The following DLG2 variants were observed in gnomAD, a reference collection of about 807,000 sequenced individuals.
DLG2 encodes discs large MAGUK scaffold protein 2, also known as disks large homolog 2.
Under a neutral mutation model 132.5 loss-of-function variants are expected in DLG2, and 45 were observed. The ratio of observed to expected loss-of-function variants is 0.34; its 90% CI spans 0.27 to 0.44. DLG2 has a LOEUF of 0.44. Ranked by LOEUF, DLG2 falls within the 20% of genes least tolerant of loss-of-function variation. The pLI, the probability that DLG2 is intolerant of heterozygous loss-of-function variation, is 1.00. For missense variants in DLG2, 1,045 were observed against 1,196.9 expected (o/e 0.87, Z 1.87); for synonymous variants, 424 against 419.6 (o/e 1.01, Z -0.13).
At chr11:84,131,563 A>T (rs531024710) in intron 9 of DLG2, among the ~76,000 whole-genome samples, 9 of 152,062 alleles carry the variant, frequency 5.9e-5, no homozygotes, top group Admixed American at 1.3e-4. Flanking sequence ...GTCAAGTATT[A>T]GGGCACTAGG....
intron 6 of DLG2, among the ~76,000 whole-genome samples, chr11:84,710,162 C>T (rs781298431): frequency 4.6e-5 from 7 of 151,960 alleles, no homozygotes; most frequent in African/African-American, 9.6e-5. Flanking sequence ...TAGAATAAAA[C>T]ACTGTGGGTG....
At chr11:84,447,240 T>C (rs1009431553) in intron 7 of DLG2, among the ~76,000 whole-genome samples, 11 of 152,192 alleles carry the variant, frequency 7.2e-5, no homozygotes, top group Admixed American at 3.3e-4. Flanking sequence ...TGTAACAGTA[T>C]TGATAATAGG....
At chr11:85,128,894 C>T (rs1399102848) in intron 5 of DLG2, among the ~76,000 whole-genome samples, 1 of 152,140 alleles carries the variant, frequency 6.6e-6, no homozygotes, top group Non-Finnish European at 1.5e-5. Flanking sequence ...ATACTATATA[C>T]ACATTTTTCC....
intron 11 of DLG2, among the ~76,000 whole-genome samples, chr11:84,018,851 A>C (rs2154074699): frequency 6.6e-6 from 1 of 152,182 alleles, no homozygotes; most frequent in South Asian, 2.1e-4. Flanking sequence ...ATTAAGCTAA[A>C]AAAAAAATGG....
intron 4 of DLG2, among the ~76,000 whole-genome samples, chr11:85,233,305 T>C (rs780538838): frequency 4.6e-5 from 7 of 151,842 alleles, no homozygotes; most frequent in East Asian, 1.9e-4. Context: ...TAGAGTAAAA[T>C]TGATCACTCT....
In DLG2 at chr11:85,062,171, A is replaced by T. The variant is rs185680357; in HGVS notation, c.357+49490T>A. Among the ~76,000 whole-genome samples the T allele has an allele frequency of 2.3e-3, 356 of 151,970 alleles. 1 individual carries two copies. Among genetic ancestry groups the T allele is most frequent in the African/African-American group, 8.2e-3 (342 of 41,520 alleles). ...AACAGAGCTTATATTCTATATACTT[A>T]TAATGCTCTCTGAGCAATTCAGAAA... On this transcript the variant is annotated intron_variant, in intron 6 of 27. Transcript: ENST00000376104.
At chr11:85,283,956 A>G (rs992895367) in intron 4 of DLG2, among the ~76,000 whole-genome samples, 2 of 151,908 alleles carry the variant, frequency 1.3e-5, no homozygotes, top group African/African-American at 4.8e-5. Flanking sequence ...CAGGAAATTG[A>G]AGATAGCCTA....
At chr11:85,497,485 C>T (rs1157337115) in intron 3 of DLG2, among the ~76,000 whole-genome samples, 5 of 152,080 alleles carry the variant, frequency 3.3e-5, no homozygotes, top group African/African-American at 1.2e-4. Flanking sequence ...GAGAATGGAA[C>T]CAAGTTAGAA....
At chr11:85,089,187 TATTGCATGATGCTG>T (rs1354777497) in intron 6 of DLG2, among the ~76,000 whole-genome samples, 1 of 152,170 alleles carries the variant, frequency 6.6e-6, no homozygotes, top group Non-Finnish European at 1.5e-5. Context: ...TACATGCATA[TATTGCATGATGCTG>T]ATGTTTGAGG....
At chr11:84,698,651 T>C (rs1474984569) in intron 6 of DLG2, among the ~76,000 whole-genome samples, 1 of 151,568 alleles carries the variant, frequency 6.6e-6, no homozygotes, top group African/African-American at 2.4e-5. Flanking sequence ...AAGATGTGTA[T>C]CTGAAAAAAT....
At chr11:85,048,163 G>T (rs916120317) in intron 6 of DLG2, among the ~76,000 whole-genome samples, 1 of 151,808 alleles carries the variant, frequency 6.6e-6, no homozygotes, top group Non-Finnish European at 1.5e-5. Context: ...AAATATAAAA[G>T]CACCTACTGT....
chr11:85,090,967 G>C (rs1277551043), intron 6 of DLG2, among the ~76,000 whole-genome samples: 1 of 152,200 alleles, frequency 6.6e-6, no homozygotes, highest in African/African-American at 2.4e-5. Flanking sequence ...TATGGTGAAA[G>C]AGGAAACAAA....
At chr11:84,123,491 C>T (rs1354265062) in intron 9 of DLG2, among the ~76,000 whole-genome samples, 1 of 152,148 alleles carries the variant, frequency 6.6e-6, no homozygotes, top group African/African-American at 2.4e-5. Context: ...GGTATAAGGC[C>T]TCATTGGCAG....
chr11:84,776,794 A>G (rs1009013837), intron 6 of DLG2, among the ~76,000 whole-genome samples: 1 of 152,166 alleles, frequency 6.6e-6, no homozygotes, highest in Non-Finnish European at 1.5e-5. Context: ...CACTTTATCC[A>G]TTAATTACCT....
chr11:85,276,714 T>C (rs1464835761), intron 4 of DLG2, among the ~76,000 whole-genome samples: 1 of 152,164 alleles, frequency 6.6e-6, no homozygotes, highest in Non-Finnish European at 1.5e-5. Flanking sequence ...TAGCATAATA[T>C]ACATATACTT....
intron 6 of DLG2, among the ~76,000 whole-genome samples, chr11:84,833,083 G>T (rs543103381): frequency 6.6e-6 from 1 of 151,610 alleles, no homozygotes; most frequent in South Asian, 2.1e-4. Flanking sequence ...TTATAAATTT[G>T]CTCTAATTGA....
chr11:83,500,219 G>C (rs190189125), intron 21 of DLG2, among the ~76,000 whole-genome samples: 2 of 152,036 alleles, frequency 1.3e-5, no homozygotes, highest in Admixed American at 6.6e-5. Flanking sequence ...CCTGGATTAT[G>C]CATGTGTTCA....
chr11:85,375,170 T>C (rs1472923182), intron 3 of DLG2, among the ~76,000 whole-genome samples: 1 of 152,162 alleles, frequency 6.6e-6, no homozygotes, highest in Non-Finnish European at 1.5e-5. Flanking sequence ...TGATACTGGA[T>C]ATAAACATCC....
intron 6 of DLG2, among the ~76,000 whole-genome samples, chr11:84,994,640 G>C (rs1411428398): frequency 1.3e-5 from 2 of 152,156 alleles, no homozygotes; most frequent in African/African-American, 4.8e-5. Flanking sequence ...CTTTGGGGGA[G>C]ATTATCACAG....
Sources: gnomAD v4.1 joint callset for allele counts (sites outside exome capture counted in the v4.1 genomes callset) on GRCh38, gnomAD v4.1.1 for gene constraint, MANE v1.5 for transcripts, NCBI Gene and HGNC (gene_info 2026-07-23, HGNC 2026-07-21) for gene names.